Variants in WWOX observed in about 807,000 individuals in gnomAD.
WWOX encodes WW domain containing oxidoreductase.
Under a neutral mutation model 46.2 loss-of-function variants are expected in WWOX, and 69 were observed. That is an observed-to-expected ratio of 1.49 (90% CI 1.23 to 1.82). The LOEUF (loss-of-function observed/expected upper bound fraction) is 1.82, where lower values mean the gene tolerates loss of function less well. Among genes scored for constraint, WWOX ranks in the 40% most tolerant of loss-of-function variants. The probability of loss-of-function intolerance (pLI) is 0.00; values close to 1 mark genes in which losing one functional copy is unlikely to be tolerated. For missense variants in WWOX, 919 were observed against 542.6 expected (o/e 1.69, Z -6.89); for synonymous variants, 359 against 202.6 (o/e 1.77, Z -6.56).
At chr16:78,454,474 G>GTTGTGTTT (rs150801844) in intron 8 of WWOX, among the ~76,000 whole-genome samples, 1 of 151,488 alleles carries the variant, frequency 6.6e-6, no homozygotes, top group Non-Finnish European at 1.5e-5. Context: ...TTTCCCCTAG[G>GTTGTGTTT]TTGTGTTTTT....
intron 8 of WWOX, among the ~76,000 whole-genome samples, chr16:78,522,834 G>A (rs1419372218): frequency 1.3e-5 from 2 of 152,218 alleles, no homozygotes; most frequent in African/African-American, 4.8e-5. Flanking sequence ...CACTTTGGGA[G>A]GCCAAGGCAG....
rs181274604 is a variant in WWOX at position 78,516,737 on chromosome 16, G to A, written c.1056+83985G>A. ...GATCCTTACTTAGCATAATTTAAACGCGAGGGTTTCCTAATGCTCCTTCCA... is the reference window on the plus strand; with the variant it reads ...GATCCTTACTTAGCATAATTTAAACACGAGGGTTTCCTAATGCTCCTTCCA... On this transcript the variant is annotated intron_variant, in intron 8 of 8. Transcript: ENST00000566780. Among the ~76,000 whole-genome samples, 61 of 152,150 alleles carry A rather than the reference G, an allele frequency of 4.0e-4. No homozygotes were observed. In the East Asian group the frequency reaches 0.011, roughly 28 times the overall value.
chr16:78,395,160 T>A (rs1597158359), intron 6 of WWOX, among the ~76,000 whole-genome samples: 1 of 152,116 alleles, frequency 6.6e-6, no homozygotes, highest in African/African-American at 2.4e-5. Flanking sequence ...GACAACTAAT[T>A]AATTAAACAG....
At chr16:79,139,058 C>G (rs1048910349) in intron 8 of WWOX, among the ~76,000 whole-genome samples, 7 of 152,210 alleles carry the variant, frequency 4.6e-5, no homozygotes, top group South Asian at 2.1e-4. Flanking sequence ...GATGGTCCCC[C>G]CTCAGCGTTC....
At chr16:78,992,953 T>A (rs201157023) in intron 8 of WWOX, among the ~76,000 whole-genome samples, 1 of 150,322 alleles carries the variant, frequency 6.7e-6, no homozygotes, top group Non-Finnish European at 1.5e-5. Context: ...GTCTCATCTT[T>A]AAAAAAAAAA....
At chr16:78,470,825 G>T (rs779811828) in intron 8 of WWOX, among the ~76,000 whole-genome samples, 2 of 152,116 alleles carry the variant, frequency 1.3e-5, no homozygotes, top group Non-Finnish European at 2.9e-5. Context: ...CACCATGCCC[G>T]ACCAGCAAGA....
intron 8 of WWOX, among the ~76,000 whole-genome samples, chr16:79,094,545 C>T (rs2049030983): frequency 6.6e-6 from 1 of 152,184 alleles, no homozygotes; most frequent in Non-Finnish European, 1.5e-5. Flanking sequence ...AGCCACCGCA[C>T]CAGGCCATTT....
intron 8 of WWOX, among the ~76,000 whole-genome samples, chr16:78,744,294 G>A (rs943406918): frequency 6.6e-6 from 1 of 152,054 alleles, no homozygotes; most frequent in African/African-American, 2.4e-5. Context: ...ATAACTGCAA[G>A]GTGTGTCTCA....
chr16:78,634,837 A>AGAGAGAGAGT (rs1346762709), intron 8 of WWOX, among the ~76,000 whole-genome samples: 82 of 111,758 alleles, frequency 7.3e-4, no homozygotes, highest in Non-Finnish European at 1.2e-3. Flanking sequence ...AGAGAGAGAG[A>AGAGAGAGAGT]GTGTGTGTGT....
intron 8 of WWOX, among the ~76,000 whole-genome samples, chr16:78,554,440 C>A (rs2738512): frequency 1.3e-5 from 2 of 152,096 alleles, no homozygotes; most frequent in Non-Finnish European, 2.9e-5. Flanking sequence ...ACAGTAAAAC[C>A]TAGCATATGA....
At chr16:78,323,130 C>G (rs776486416) in intron 5 of WWOX, among the ~76,000 whole-genome samples, 14 of 151,954 alleles carry the variant, frequency 9.2e-5, no homozygotes, top group Non-Finnish European at 1.5e-4. Flanking sequence ...TTGTTTGAGA[C>G]GGAGTCTTGC....
intron 8 of WWOX, among the ~76,000 whole-genome samples, chr16:78,979,465 T>C (rs1339279475): frequency 6.6e-6 from 1 of 152,158 alleles, no homozygotes; most frequent in Non-Finnish European, 1.5e-5. Context: ...GGTGCTCAGA[T>C]ATGGTGGCCA....
intron 8 of WWOX, among the ~76,000 whole-genome samples, chr16:78,481,648 A>AAG (rs2084489438): frequency 6.7e-6 from 1 of 149,212 alleles, no homozygotes; most frequent in Non-Finnish European, 1.5e-5. Context: ...AAAAAAAAAG[A>AAG]ATGTTTTCCC....
intron 8 of WWOX, among the ~76,000 whole-genome samples, chr16:78,966,116 A>G (rs749269748): frequency 2.6e-5 from 4 of 152,210 alleles, no homozygotes; most frequent in Non-Finnish European, 5.9e-5. Flanking sequence ...CCTATCAGCT[A>G]AAGAACCTAG....
intron 4 of WWOX, among the ~76,000 whole-genome samples, chr16:78,149,946 T>C (rs2034341318): frequency 6.6e-6 from 1 of 152,172 alleles, no homozygotes; most frequent in Admixed American, 6.5e-5. Flanking sequence ...TCCTTTTACG[T>C]AATTCTCCAA....
intron 8 of WWOX, among the ~76,000 whole-genome samples, chr16:78,557,830 G>A (rs1033296962): frequency 1.3e-5 from 2 of 151,340 alleles, no homozygotes; most frequent in Admixed American, 6.6e-5. Context: ...TGAGTAGCTG[G>A]GATTATAGTC....
intron 8 of WWOX, among the ~76,000 whole-genome samples, chr16:78,522,265 G>C (rs191051866): frequency 1.3e-5 from 2 of 151,710 alleles, no homozygotes; most frequent in East Asian, 1.9e-4. Context: ...TAAGGGTTAG[G>C]ATTAAAAAAA....
intron 8 of WWOX, among the ~76,000 whole-genome samples, chr16:78,837,856 T>C (rs761734948): frequency 1.3e-5 from 2 of 152,198 alleles, no homozygotes; most frequent in African/African-American, 4.8e-5. Flanking sequence ...TGTAGAAATA[T>C]CAATAAATAT....
intron 5 of WWOX, among the ~76,000 whole-genome samples, chr16:78,321,280 A>ATATATATATACGTATATATATACG (rs747886857): frequency 1.4e-5 from 2 of 144,140 alleles, no homozygotes; most frequent in South Asian, 2.2e-4. Flanking sequence ...TTTTTTAAAT[A>ATATATATATACGTATATATATACG]TATATATATA....
Sources: gnomAD v4.1 joint callset for allele counts (sites outside exome capture counted in the v4.1 genomes callset) on GRCh38, gnomAD v4.1.1 for gene constraint, MANE v1.5 for transcripts, NCBI Gene and HGNC (gene_info 2026-07-23, HGNC 2026-07-21) for gene names.